The following CAPZB variants were observed in gnomAD, a reference collection of about 807,000 sequenced individuals.
CAPZB encodes F-actin-capping protein subunit beta.
CAPZB carries 2 observed loss-of-function variants against 38.1 expected under a neutral mutation model. The ratio of observed to expected loss-of-function variants is 0.05; its 90% CI spans 0.02 to 0.17. The LOEUF (loss-of-function observed/expected upper bound fraction) is 0.17, where lower values mean the gene tolerates loss of function less well. CAPZB is among the 10% of genes least tolerant of loss of function. The probability of loss-of-function intolerance (pLI) is 1.00; values close to 1 mark genes in which losing one functional copy is unlikely to be tolerated. For synonymous variants in CAPZB, 107 were observed against 127.4 expected (o/e 0.84, Z 1.08); for missense variants, 161 against 334.2 (o/e 0.48, Z 4.04).
At chr1:19,438,733 T>C (rs1050044262) in intron 1 of CAPZB, among the ~76,000 whole-genome samples, 1 of 152,214 alleles carries the variant, frequency 6.6e-6, no homozygotes, top group African/African-American at 2.4e-5. Context: ...CGAGGCCACA[T>C]GAGGTACTCA....
chr1:19,450,144 C>CAAAAAA (rs71008167), intron 1 of CAPZB, among the ~76,000 whole-genome samples: 13 of 35,396 alleles, frequency 3.7e-4, no homozygotes, highest in East Asian at 8.7e-4. Flanking sequence ...ACCCTGTCTC[C>CAAAAAA]AAAAAAAAAA....
In CAPZB at chr1:19,375,564, T is replaced by A. The variant is rs145309845; in HGVS notation, c.329+2976A>T. 5.7e-4 allele frequency among the ~76,000 whole-genome samples: 87 copies of A among 152,350 alleles called. 3 individuals carry two copies. The East Asian group carries it at 0.014, about 25-fold the overall frequency. On this transcript the variant is annotated intron_variant, in intron 4 of 8. Coordinates refer to ENST00000264202, the MANE Select transcript of CAPZB (RefSeq NM_004930.5). ...TTGCAGACCCTCGGGGTCTGGGTTATCCAGTTCGACCCCCAACTGGGGGCA... is the reference window on the plus strand; with the variant it reads ...TTGCAGACCCTCGGGGTCTGGGTTAACCAGTTCGACCCCCAACTGGGGGCA...
intron 1 of CAPZB, among the ~76,000 whole-genome samples, chr1:19,477,299 T>C (rs1234593363): frequency 6.6e-6 from 1 of 152,092 alleles, no homozygotes; most frequent in Non-Finnish European, 1.5e-5. Context: ...GTCTCAAATC[T>C]CAGGACAACC....
At chr1:19,350,948 G>C (rs1480224614) in intron 6 of CAPZB, among the ~76,000 whole-genome samples, 1 of 141,270 alleles carries the variant, frequency 7.1e-6, no homozygotes, top group Non-Finnish European at 1.6e-5. Context: ...AAAACTGTGT[G>C]TAAAACAGTT....
intron 1 of CAPZB, among the ~76,000 whole-genome samples, chr1:19,430,711 C>T (rs776750790): frequency 1.3e-5 from 2 of 152,176 alleles, no homozygotes; most frequent in Non-Finnish European, 2.9e-5. Flanking sequence ...GGCGGCCGCC[C>T]ACCCGCACCC....
At chr1:19,430,977 T>C (rs569268036) in intron 1 of CAPZB, among the ~76,000 whole-genome samples, 5 of 152,260 alleles carry the variant, frequency 3.3e-5, no homozygotes, top group Admixed American at 2.0e-4. Context: ...CTCTTGGGTG[T>C]GCATACCCCT....
intron 1 of CAPZB, among the ~76,000 whole-genome samples, chr1:19,477,193 G>A (rs1469141373): frequency 6.6e-6 from 1 of 152,152 alleles, no homozygotes; most frequent in Non-Finnish European, 1.5e-5. Context: ...TTCATTTCAT[G>A]GCATCCCCTG....
At chr1:19,412,628 G>A (rs1428683873) in intron 2 of CAPZB, among the ~76,000 whole-genome samples, 3 of 152,094 alleles carry the variant, frequency 2.0e-5, no homozygotes, top group African/African-American at 7.2e-5. Flanking sequence ...CTCTCCTTGA[G>A]GCAGGCACCT....
At chr1:19,442,204 C>CA (rs2094479748) in intron 1 of CAPZB, among the ~76,000 whole-genome samples, 1 of 151,980 alleles carries the variant, frequency 6.6e-6, no homozygotes, top group African/African-American at 2.4e-5. Flanking sequence ...TGACAATTTT[C>CA]AAAAAACAAA....
chr1:19,406,021 C>T (rs535931869), intron 2 of CAPZB, among the ~76,000 whole-genome samples: 17 of 152,288 alleles, frequency 1.1e-4, no homozygotes, highest in Non-Finnish European at 2.1e-4. Flanking sequence ...TTGGCAAGGC[C>T]TCTCTCAGGC....
chr1:19,398,289 CA>C (rs2094283498), intron 2 of CAPZB, among the ~76,000 whole-genome samples: 1 of 147,922 alleles, frequency 6.8e-6, no homozygotes, highest in Admixed American at 6.8e-5. Context: ...CTCCTCGCCC[CA>C]GGGGTCCTGA....
intron 4 of CAPZB, among the ~76,000 whole-genome samples, chr1:19,372,878 G>C (rs985393185): frequency 6.6e-6 from 1 of 152,132 alleles, no homozygotes; most frequent in Non-Finnish European, 1.5e-5. Flanking sequence ...GAATAGCCTA[G>C]ATGTTGGGGA....
chr1:19,434,906 A>C (rs931874269), intron 1 of CAPZB, among the ~76,000 whole-genome samples: 5 of 151,420 alleles, frequency 3.3e-5, no homozygotes, highest in Non-Finnish European at 7.4e-5. Flanking sequence ...GGGACAAAAC[A>C]CCCAAAAGGC....
chr1:19,396,460 G>C (rs538726114), intron 2 of CAPZB, among the ~76,000 whole-genome samples: 5 of 152,268 alleles, frequency 3.3e-5, no homozygotes, highest in Admixed American at 3.3e-4. Context: ...GTTGGATGAA[G>C]GTGTGCACCC....
chr1:19,445,097 C>T (rs980289655), intron 1 of CAPZB, among the ~76,000 whole-genome samples: 1 of 152,062 alleles, frequency 6.6e-6, no homozygotes, highest in Non-Finnish European at 1.5e-5. Context: ...TCCATTTCAG[C>T]ATTATTTATG....
At chr1:19,349,965 A>G (rs1488661666) in intron 6 of CAPZB, among the ~76,000 whole-genome samples, 5 of 152,218 alleles carry the variant, frequency 3.3e-5, no homozygotes, top group South Asian at 2.1e-4. Context: ...CATCCTTATA[A>G]AAGTGGCTGC....
rs201380123 is a variant in CAPZB at position 19,351,286 on chromosome 1, A to AT, written c.588+5348dup. On this transcript the variant is annotated intron_variant, in intron 6 of 8. Transcript: ENST00000264202. The stretch of plus-strand genomic sequence containing the variant: ...ATGAGCCACTGCACCCGATCTTTCC[A>AT]TTTTTTTTTTTTAATAAAATTTGTT... Among the ~76,000 whole-genome samples, 147 of 130,358 alleles carry AT rather than the reference A, an allele frequency of 1.1e-3. 1 individual carries two copies. Among genetic ancestry groups the AT allele is most frequent in the African/African-American group, 2.0e-3 (71 of 35,442 alleles). 85.5% of individuals were successfully genotyped at this position (130,358 alleles called of 152,430 possible).
intron 2 of CAPZB, among the ~76,000 whole-genome samples, chr1:19,410,858 C>T (rs2094354226): frequency 6.6e-6 from 1 of 152,150 alleles, no homozygotes; most frequent in South Asian, 2.1e-4. Context: ...GTGGGCTTGA[C>T]ACCTCTTCCC....
intron 6 of CAPZB, among the ~76,000 whole-genome samples, chr1:19,353,086 AG>A (rs2094000678): frequency 6.6e-6 from 1 of 152,226 alleles, no homozygotes; most frequent in African/African-American, 2.4e-5. Context: ...GGCCACACAC[AG>A]GGAAGGGCAG....
Sources: gnomAD v4.1 joint callset for allele counts (sites outside exome capture counted in the v4.1 genomes callset) on GRCh38, gnomAD v4.1.1 for gene constraint, MANE v1.5 for transcripts, NCBI Gene and HGNC (gene_info 2026-07-23, HGNC 2026-07-21) for gene names.